Variants in DST observed in about 807,000 individuals in gnomAD.
DST encodes bullous pemphigoid antigen.
A neutral mutation model predicts 875.2 loss-of-function variants in DST; 253 were observed. The observed-to-expected ratio is 0.29, with a 90% confidence interval of 0.26 to 0.32. The LOEUF (loss-of-function observed/expected upper bound fraction) is 0.32, where lower values mean the gene tolerates loss of function less well. DST is among the 10% of genes least tolerant of loss of function. The pLI, the probability that DST is intolerant of heterozygous loss-of-function variation, is 1.00. For synonymous variants in DST, 3,124 were observed against 3,197.1 expected, an observed-to-expected ratio of 0.98 and a Z score of 0.77; for missense variants, 8,287 against 9,111.6, an observed-to-expected ratio of 0.91 and a Z score of 3.68.
At chr6:56,622,360 G>C (rs2098697423) in intron 36 of DST, among the ~76,000 whole-genome samples, 1 of 152,030 alleles carries the variant, frequency 6.6e-6, no homozygotes, top group Non-Finnish European at 1.5e-5. Flanking sequence ...CATGAGGTCA[G>C]GAGTTCAAGA....
intron 17 of DST, 77 bp downstream of exon 17, chr6:56,641,870 C>G: frequency 8.9e-7 from 1 of 1,124,780 alleles, no homozygotes; most frequent in Non-Finnish European, 1.2e-6. Flanking sequence ...AATTTTCATA[C>G]TCTACATTCC....
intron 47 of DST, among the ~76,000 whole-genome samples, chr6:56,595,167 C>T (rs1020861374): frequency 6.6e-6 from 1 of 152,154 alleles, no homozygotes; most frequent in Non-Finnish European, 1.5e-5. Context: ...GCTCCCATTA[C>T]CCCAGAGCCC....
chr6:56,609,510 G>A (rs1002966779), intron 39 of DST, among the ~76,000 whole-genome samples, 166 bp from the exon 40 acceptor site: 39 of 152,228 alleles, frequency 2.6e-4, no homozygotes. Flanking sequence ...AAATGCACAA[G>A]TGATCTATGT....
intron 86 of DST, among the ~76,000 whole-genome samples, chr6:56,488,363 T>G (rs1048963025): frequency 6.6e-6 from 1 of 152,168 alleles, no homozygotes; most frequent in African/African-American, 2.4e-5. Flanking sequence ...ACATTCAAGT[T>G]CAAATAAAGC....
At chr6:56,949,786 C>T (rs1036061870) in intron 2 of DST, among the ~76,000 whole-genome samples, 2 of 152,156 alleles carry the variant, frequency 1.3e-5, no homozygotes, top group African/African-American at 4.8e-5. Flanking sequence ...CAATAATAAA[C>T]TATCACTTTC....
chr6:56,806,513 C>T (rs2099753124), intron 4 of DST, among the ~76,000 whole-genome samples: 1 of 152,178 alleles, frequency 6.6e-6, no homozygotes, highest in Non-Finnish European at 1.5e-5. Flanking sequence ...TAAACAGCTA[C>T]AGCTGGAGAA....
chr6:56,565,166 G>C (rs2097648772), intron 55 of DST, among the ~76,000 whole-genome samples: 1 of 148,314 alleles, frequency 6.7e-6, no homozygotes, highest in Non-Finnish European at 1.5e-5. Flanking sequence ...TGTCACCCAG[G>C]CTGGAGTGCA....
chr6:56,847,604 C>T (rs555495130), intron 4 of DST, among the ~76,000 whole-genome samples: 12 of 152,306 alleles, frequency 7.9e-5, no homozygotes, highest in Non-Finnish European at 1.5e-4. Context: ...TCTTGTAGTT[C>T]CATCCCTCTA....
intron 4 of DST, among the ~76,000 whole-genome samples, chr6:56,797,499 A>G (rs1005067768): frequency 6.6e-6 from 1 of 152,182 alleles, no homozygotes; most frequent in East Asian, 1.9e-4. Context: ...ATAACTAGCC[A>G]AGTTGTAAAT....
Position 56,572,750 on chromosome 6 carries a change from C to T in DST, c.13551G>A (p.Met4517Ile), listed in dbSNP as rs745757239. The change falls in exon 52 of 104, where the codon ATG becomes ATA. Residue 4517 changes from methionine to isoleucine, a missense_variant. By Grantham distance (10) the Met-to-Ile change is conservative. Around this residue, in one of 10 missense-constraint regions of DST, gnomAD observed 1,513 missense variants for 1,677.8 expected, o/e 0.90. Transcript: ENST00000680361. ...CTGAGTAGTAAGGGAGGCATACCTG[C>T]ATATACTGAGACAATTCAGTAACAT... ...GKDVTELSQY[M>I]QESTSEFLEH... 15 of 1,581,640 alleles carry T rather than the reference C, an allele frequency of 9.5e-6. No individual in the cohort carries two copies. Among genetic ancestry groups the T allele is most frequent in the Non-Finnish European group, 2.6e-6 (3 of 1,166,074 alleles).
chr6:56,867,630 G>A (rs967518548), intron 3 of DST, among the ~76,000 whole-genome samples: 1 of 152,134 alleles, frequency 6.6e-6, no homozygotes, highest in Non-Finnish European at 1.5e-5. Context: ...GACCATCCTG[G>A]CCAACATGGT....
At chr6:56,924,821 C>A (rs1806176080) in intron 2 of DST, among the ~76,000 whole-genome samples, 1 of 152,142 alleles carries the variant, frequency 6.6e-6, no homozygotes, top group African/African-American at 2.4e-5. Flanking sequence ...ATAAGTGACT[C>A]TCCATCCACA....
At chr6:56,653,356 T>C (rs1226064406) in intron 10 of DST, among the ~76,000 whole-genome samples, 2 of 152,042 alleles carry the variant, frequency 1.3e-5, no homozygotes, top group African/African-American at 2.4e-5. Flanking sequence ...TAAAGAAAAT[T>C]AGTTAAACAA....
At chr6:56,611,939 T>C (rs1021290460) in intron 37 of DST, among the ~76,000 whole-genome samples, 7 of 152,210 alleles carry the variant, frequency 4.6e-5, no homozygotes, top group Non-Finnish European at 1.0e-4. Flanking sequence ...CCTTGCGCAC[T>C]GCAGTCCTCA....
intron 36 of DST, chr6:56,624,225 C>G (rs2098714313): frequency 1.7e-6 from 1 of 585,082 alleles, no homozygotes; most frequent in African/African-American, 1.9e-5. Flanking sequence ...GAAAAATATT[C>G]TGCCAAACTG....
At chr6:56,733,936 G>C (rs2099512942) in intron 5 of DST, among the ~76,000 whole-genome samples, 1 of 152,034 alleles carries the variant, frequency 6.6e-6, no homozygotes, top group Non-Finnish European at 1.5e-5. Flanking sequence ...ATTTAGAAAA[G>C]GCAAAACTTT....
chr6:56,620,208 C>A (rs1196801694), intron 36 of DST: 3 of 1,613,552 alleles, frequency 1.9e-6, no homozygotes, highest in East Asian at 4.5e-5. Context: ...CTTCTTAATT[C>A]TTCCATTAAT....
chr6:56,516,394 C>T (rs1467477753), intron 71 of DST, among the ~76,000 whole-genome samples: 2 of 152,104 alleles, frequency 1.3e-5, no homozygotes, highest in Non-Finnish European at 2.9e-5. Context: ...GTATTTTTCA[C>T]ATCAGAGTCT....
At chr6:56,697,448 C>T (rs1417057990) in intron 9 of DST, among the ~76,000 whole-genome samples, 1 of 152,150 alleles carries the variant, frequency 6.6e-6, no homozygotes, top group Non-Finnish European at 1.5e-5. Flanking sequence ...AATCAGGCAG[C>T]CCCCAAACCA....
Sources: gnomAD v4.1 joint callset for allele counts (sites outside exome capture counted in the v4.1 genomes callset) on GRCh38, gnomAD v4.1.1 for gene constraint, gnomAD v4.1.1 regional missense constraint, MANE v1.5 for transcripts, NCBI Gene and HGNC (gene_info 2026-07-23, HGNC 2026-07-21) for gene names.